The following GRAMD1B variants were observed in gnomAD, a reference collection of about 807,000 sequenced individuals.
GRAMD1B encodes the protein protein Aster-B.
Under a neutral mutation model 99.7 loss-of-function variants are expected in GRAMD1B, and 37 were observed. That is an observed-to-expected ratio of 0.37 (90% CI 0.29 to 0.49). The LOEUF is 0.49. GRAMD1B is among the 20% of genes least tolerant of loss of function. GRAMD1B has a pLI of 0.98. For synonymous variants in GRAMD1B, 427 were observed against 387.6 expected (o/e 1.10, Z -1.19); for missense variants, 888 against 1,009.2 (o/e 0.88, Z 1.63).
rs1163079165 is a variant in GRAMD1B, at chr11:123,627,197, A to G, written c.*4602A>G. ...AGCCCTCCTTGCTTCTCTCAATACA[A>G]TAAGACATTGCAGAAGCAAAAGGGT... On this transcript the variant is annotated 3_prime_UTR_variant, in exon 20 of 20. Coordinates refer to ENST00000635736, the MANE Select transcript of GRAMD1B (RefSeq NM_001387025.1). 2.0e-5 allele frequency: 3 copies of G among 152,220 alleles called. No individual in the cohort carries two copies. Among genetic ancestry groups the G allele is most frequent in the African/African-American group, 7.2e-5 (3 of 41,456 alleles). The allele number at this position is 152,220 out of a possible 1,614,324, so 9.4% of individuals were successfully genotyped here.
At chr11:123,422,986 T>C (rs992740992) in intron 1 of GRAMD1B, among the ~76,000 whole-genome samples, 1 of 152,210 alleles carries the variant, frequency 6.6e-6, no homozygotes, top group African/African-American at 2.4e-5. Flanking sequence ...AGAGTCATCT[T>C]TGATAGGCAT....
At chr11:123,601,515 ATGTGTGTG>A (rs4063751) in intron 8 of GRAMD1B, among the ~76,000 whole-genome samples, 192 of 148,914 alleles carry the variant, frequency 1.3e-3, no homozygotes, top group Non-Finnish European at 1.8e-3. Flanking sequence ...ATTAATTTTT[ATGTGTGTG>A]TGTGTGTGTG....
chr11:123,364,871 C>T (rs1470118642), intron 1 of GRAMD1B, among the ~76,000 whole-genome samples: 1 of 152,066 alleles, frequency 6.6e-6, no homozygotes, highest in African/African-American at 2.4e-5. Context: ...ATGAGTTTCT[C>T]AACTTGTTTG....
chr11:123,441,175 A>G (rs371371860), intron 1 of GRAMD1B, among the ~76,000 whole-genome samples: 5 of 152,300 alleles, frequency 3.3e-5, no homozygotes, highest in African/African-American at 1.2e-4. Context: ...GAGAAGTTGC[A>G]AGAAAGAGAG....
At position 123,603,559 on chromosome 11, in the gene GRAMD1B, C is replaced by T. The variant is rs1185396011; in HGVS notation, c.1166+18C>T. On this transcript the variant is annotated intron_variant, in intron 9 of 19. Coordinates refer to ENST00000635736, the MANE Select transcript of GRAMD1B (RefSeq NM_001387025.1). ...ACAATGGGGTGAGTGAGGCCAAGGGCGGCTGCCCAGAGGCAGCCGTGCGAG... is the reference window on the plus strand; with the variant it reads ...ACAATGGGGTGAGTGAGGCCAAGGGTGGCTGCCCAGAGGCAGCCGTGCGAG... 2.6e-6 allele frequency: 4 copies of T among 1,511,122 alleles called. No individual in the cohort carries two copies. Among genetic ancestry groups the T allele is most frequent in the East Asian group, 2.3e-5 (1 of 44,398 alleles). The allele number at this position is 1,511,122 out of a possible 1,614,324, so 93.6% of individuals were successfully genotyped here.
intron 2 of GRAMD1B, among the ~76,000 whole-genome samples, chr11:123,496,124 A>T (rs1316990879): frequency 6.6e-6 from 1 of 152,062 alleles, no homozygotes; most frequent in Admixed American, 6.5e-5. Context: ...TCCCTTCAGC[A>T]TTTCTTATAG....
chr11:123,528,035 A>G (rs1388673027), intron 2 of GRAMD1B, among the ~76,000 whole-genome samples: 1 of 152,162 alleles, frequency 6.6e-6, no homozygotes, highest in Non-Finnish European at 1.5e-5. Context: ...CTCTGCCTTG[A>G]TACTGTTAGA....
At chr11:123,606,935 C>T (rs761420550) in intron 11 of GRAMD1B, 137 bp downstream of exon 11, 45 of 638,478 alleles carry the variant, frequency 7.0e-5, no homozygotes, top group Non-Finnish European at 1.1e-4. Flanking sequence ...ACAAAAGGTA[C>T]CTGTTATTAG....
At chr11:123,532,676 A>T (rs1030774283) in intron 2 of GRAMD1B, among the ~76,000 whole-genome samples, 2 of 152,254 alleles carry the variant, frequency 1.3e-5, no homozygotes, top group African/African-American at 4.8e-5. Flanking sequence ...GCCAGATTTT[A>T]TACAGTTCTT....
chr11:123,616,460 C>G (rs1954400002), intron 17 of GRAMD1B, among the ~76,000 whole-genome samples: 1 of 152,218 alleles, frequency 6.6e-6, no homozygotes, highest in Admixed American at 6.5e-5. Context: ...AGCACTGTAA[C>G]CTCAAGTTAG....
chr11:123,524,049 A>G (rs1356397727), intron 2 of GRAMD1B, among the ~76,000 whole-genome samples: 1 of 152,168 alleles, frequency 6.6e-6, no homozygotes, highest in African/African-American at 2.4e-5. Flanking sequence ...ACAAAAGGTT[A>G]GTATATCTTA....
At chr11:123,433,675 CGTGCGTGTGTGTGTGTGTGT>C (rs1565496392) in intron 1 of GRAMD1B, among the ~76,000 whole-genome samples, 1 of 97,002 alleles carries the variant, frequency 1.0e-5, no homozygotes, top group Admixed American at 1.2e-4. Context: ...TAAAATGTTA[CGTGCGTGTGTGTGTGTGTGT>C]GTGTGTGTGT....
chr11:123,594,058 C>G (rs1419689859), intron 4 of GRAMD1B, 24 bp from the exon 5 acceptor site: 5 of 1,535,098 alleles, frequency 3.3e-6, no homozygotes, highest in Non-Finnish European at 4.5e-6. Flanking sequence ...GTACATCCTA[C>G]TAACCTTGGC....
chr11:123,570,156 A>G (rs555152270), intron 2 of GRAMD1B, among the ~76,000 whole-genome samples: 5 of 152,318 alleles, frequency 3.3e-5, no homozygotes, highest in African/African-American at 1.2e-4. Context: ...AGTGGTTCTC[A>G]AACTTCAGAG....
At chr11:123,420,331 G>C (rs1948385060) in intron 1 of GRAMD1B, among the ~76,000 whole-genome samples, 1 of 152,176 alleles carries the variant, frequency 6.6e-6, no homozygotes, top group South Asian at 2.1e-4. Context: ...TCTACAGGTA[G>C]ACTTCTTAAC....
chr11:123,363,138 A>G (rs954264920), intron 1 of GRAMD1B, among the ~76,000 whole-genome samples: 1 of 152,156 alleles, frequency 6.6e-6, no homozygotes, highest in African/African-American at 2.4e-5. Flanking sequence ...CCTCTGGCAG[A>G]GGGAGAATGC....
At chr11:123,371,793 G>A (rs986815471) in intron 1 of GRAMD1B, among the ~76,000 whole-genome samples, 1 of 152,176 alleles carries the variant, frequency 6.6e-6, no homozygotes, top group Non-Finnish European at 1.5e-5. Flanking sequence ...TGTCTTGCTA[G>A]AGTTCTCCAT....
At chr11:123,435,148 T>A (rs947058150) in intron 1 of GRAMD1B, among the ~76,000 whole-genome samples, 8 of 152,204 alleles carry the variant, frequency 5.3e-5, no homozygotes, top group Admixed American at 1.3e-4. Flanking sequence ...CTCACACAAT[T>A]CAGGATTTGG....
chr11:123,560,231 T>C (rs2135986681), intron 2 of GRAMD1B: 1 of 1,058,330 alleles, frequency 9.4e-7, no homozygotes, highest in East Asian at 8.6e-5. Flanking sequence ...CGTGTCTGAG[T>C]GTGTCTGTGC....
Sources: gnomAD v4.1 joint callset for allele counts (sites outside exome capture counted in the v4.1 genomes callset) on GRCh38, gnomAD v4.1.1 for gene constraint, MANE v1.5 for transcripts, NCBI Gene and HGNC (gene_info 2026-07-23, HGNC 2026-07-21) for gene names.